GRM1: variants seen among roughly 807,000 people sequenced by gnomAD.
GRM1 encodes glutamate metabotropic receptor 1.
GRM1 carries 33 observed loss-of-function variants against 90.9 expected under a neutral mutation model. That is an observed-to-expected ratio of 0.36 (90% CI 0.28 to 0.49). GRM1 has a LOEUF of 0.49. GRM1 is among the 20% of genes least tolerant of loss of function. GRM1 has a pLI of 0.99. For synonymous variants in GRM1, 700 were observed against 613.2 expected (o/e 1.14, Z -2.09); for missense variants, 1,190 against 1,534.3 (o/e 0.78, Z 3.75).
chr6:146,256,313 A>C (rs889736569), intron 2 of GRM1, among the ~76,000 whole-genome samples: 18 of 152,132 alleles, frequency 1.2e-4, no homozygotes, highest in Non-Finnish European at 2.4e-4. Flanking sequence ...TCATTTTCCC[A>C]CCAGGGAAAC....
chr6:146,105,138 T>C (rs916203579), intron 1 of GRM1, among the ~76,000 whole-genome samples: 1 of 152,218 alleles, frequency 6.6e-6, no homozygotes, highest in African/African-American at 2.4e-5. Flanking sequence ...AAATAAGCAA[T>C]TGGAAATGAT....
At chr6:146,266,715 G>C (rs1458997164) in intron 2 of GRM1, among the ~76,000 whole-genome samples, 1 of 152,178 alleles carries the variant, frequency 6.6e-6, no homozygotes, top group South Asian at 2.1e-4. Context: ...AGCAAGCCCT[G>C]CTCCCATCCA....
intron 3 of GRM1, among the ~76,000 whole-genome samples, chr6:146,350,144 A>T (rs1353550086): frequency 6.6e-6 from 1 of 152,250 alleles, no homozygotes; most frequent in Non-Finnish European, 1.5e-5. Context: ...CTCAGTGCTG[A>T]TGAATGAAGT....
At chr6:146,332,316 G>A (rs528859517) in intron 3 of GRM1, among the ~76,000 whole-genome samples, 40 of 152,262 alleles carry the variant, frequency 2.6e-4, no homozygotes, top group African/African-American at 8.9e-4. Context: ...ATCTCATAAG[G>A]CTCTGGGGAT....
At chr6:146,173,894 G>A (rs941351396) in intron 2 of GRM1, among the ~76,000 whole-genome samples, 1 of 151,994 alleles carries the variant, frequency 6.6e-6, no homozygotes. Context: ...CTGACCTTGT[G>A]ATCCGCCCGC....
intron 2 of GRM1, among the ~76,000 whole-genome samples, chr6:146,219,337 G>C (rs112396402): frequency 6.6e-6 from 1 of 152,144 alleles, no homozygotes; most frequent in East Asian, 1.9e-4. Context: ...AAGCCACCAG[G>C]GGGTGAGAAC....
rs550654471 is a variant in GRM1, at chr6:146,106,462, A to G, written c.701-52886A>G. The stretch of plus-strand genomic sequence containing the variant: ...TCCCCAAACAAACTGCGGCCTTCAG[A>G]GTTTATTTACAGTTGCCCCTATGCT... On this transcript the variant is annotated intron_variant, in intron 1 of 7. Coordinates refer to ENST00000282753, the MANE Select transcript of GRM1 (RefSeq NM_001278064.2). Among the ~76,000 whole-genome samples, 4 of 152,320 alleles carry G rather than the reference A, an allele frequency of 2.6e-5. No homozygotes were observed. The South Asian group carries it at 8.3e-4, about 32-fold the overall frequency.
intron 7 of GRM1, among the ~76,000 whole-genome samples, chr6:146,425,732 CTA>C (rs1207056542): frequency 2.0e-5 from 3 of 152,224 alleles, no homozygotes; most frequent in African/African-American, 7.2e-5. Flanking sequence ...AAATTCTTTT[CTA>C]TGACAGGCAG....
At chr6:146,388,776 T>C (rs1039790228) in intron 6 of GRM1, among the ~76,000 whole-genome samples, 1 of 152,078 alleles carries the variant, frequency 6.6e-6, no homozygotes, top group Non-Finnish European at 1.5e-5. Context: ...GTCCCACCCA[T>C]TGAGAAACAC....
chr6:146,054,643 G>A (rs1010138474), intron 1 of GRM1, among the ~76,000 whole-genome samples: 2 of 152,062 alleles, frequency 1.3e-5, no homozygotes, highest in Non-Finnish European at 2.9e-5. Context: ...AGAGGAGAAA[G>A]GGAAAGAAAC....
intron 2 of GRM1, among the ~76,000 whole-genome samples, chr6:146,227,965 T>C (rs1005150588): frequency 5.9e-5 from 9 of 152,208 alleles, no homozygotes; most frequent in Non-Finnish European, 8.8e-5. Flanking sequence ...TTAGAGATTT[T>C]TTTCTTTTGT....
chr6:146,122,843 T>TTTTTTTTTTTTTTTTTTTTTTTTTTTTC (rs1776046337), intron 1 of GRM1, among the ~76,000 whole-genome samples: 1 of 122,886 alleles, frequency 8.1e-6, no homozygotes, highest in Non-Finnish European at 1.6e-5. Flanking sequence ...TTCTTTCTTT[T>TTTTTTTTTTTTTTTTTTTTTTTTTTTTC]TTTTTTTTTT....
intron 6 of GRM1, among the ~76,000 whole-genome samples, chr6:146,395,559 T>C (rs1194593836): frequency 1.3e-5 from 2 of 152,168 alleles, no homozygotes; most frequent in Non-Finnish European, 2.9e-5. Context: ...AGGCTAATAA[T>C]TAATTGAATT....
At chr6:146,086,768 A>G (rs1776559970) in intron 1 of GRM1, among the ~76,000 whole-genome samples, 1 of 152,054 alleles carries the variant, frequency 6.6e-6, no homozygotes, top group South Asian at 2.1e-4. Context: ...TCAGAACTGC[A>G]CATTAGTTAA....
chr6:146,088,952 T>G (rs1315850239), intron 1 of GRM1, among the ~76,000 whole-genome samples: 2 of 152,056 alleles, frequency 1.3e-5, no homozygotes, highest in Non-Finnish European at 2.9e-5. Flanking sequence ...AAATTCAACT[T>G]TAGTGGAGGT....
chr6:146,171,107 C>G (rs896787933), intron 2 of GRM1, among the ~76,000 whole-genome samples: 34 of 152,070 alleles, frequency 2.2e-4, no homozygotes, highest in African/African-American at 8.2e-4. Context: ...AGCCACTTAC[C>G]TAGTCACTAC....
intron 1 of GRM1, among the ~76,000 whole-genome samples, chr6:146,034,572 C>T (rs1371355226): frequency 6.6e-6 from 1 of 151,960 alleles, no homozygotes; most frequent in Non-Finnish European, 1.5e-5. Flanking sequence ...GCCTTTCTAA[C>T]ATCAGTAAGT....
chr6:146,230,428 T>G (rs145336786), intron 2 of GRM1, among the ~76,000 whole-genome samples: 1,717 of 152,198 alleles, frequency 0.011, 19 homozygotes, highest in South Asian at 0.017. Context: ...CTCATCACAT[T>G]TCATCAAAGA....
At chr6:146,074,567 C>A (rs1776121512) in intron 1 of GRM1, among the ~76,000 whole-genome samples, 1 of 152,096 alleles carries the variant, frequency 6.6e-6, no homozygotes, top group Non-Finnish European at 1.5e-5. Flanking sequence ...CTCCTGTGCC[C>A]AGGATTGCAG....
Sources: allele counts gnomAD v4.1 joint callset (sites outside exome capture counted in the v4.1 genomes callset), GRCh38; gene constraint gnomAD v4.1.1; transcripts MANE v1.5; gene names NCBI Gene and HGNC (gene_info 2026-07-23, HGNC 2026-07-21).